NUP153: variants seen among roughly 807,000 people sequenced by gnomAD.
NUP153 encodes nuclear pore complex protein Nup153.
In NUP153, 27 loss-of-function variants were observed where a neutral mutation model predicts 134.6. That is an observed-to-expected ratio of 0.20 (90% CI 0.15 to 0.28). The LOEUF is 0.28. NUP153 is among the 10% of genes least tolerant of loss of function. NUP153 has a pLI of 1.00. For synonymous variants in NUP153, 640 were observed against 623.5 expected, an observed-to-expected ratio of 1.03 and a Z score of -0.40; for missense variants, 1,821 against 1,731.3, an observed-to-expected ratio of 1.05 and a Z score of -0.92.
intron 1 of NUP153, among the ~76,000 whole-genome samples, chr6:17,701,980 C>T (rs978168777): frequency 7.9e-5 from 12 of 151,928 alleles, no homozygotes; most frequent in African/African-American, 1.9e-4. Context: ...ACCCCCATCC[C>T]GGGACAAAAA....
intron 17 of NUP153, among the ~76,000 whole-genome samples, chr6:17,631,096 G>A (rs1467329793): frequency 1.3e-5 from 2 of 152,126 alleles, no homozygotes; most frequent in East Asian, 3.8e-4. Context: ...TTTTCAAACT[G>A]CTAGTTGTAT....
At chr6:17,690,875 C>A (rs1769230889) in intron 1 of NUP153, among the ~76,000 whole-genome samples, 1 of 152,134 alleles carries the variant, frequency 6.6e-6, no homozygotes, top group African/African-American at 2.4e-5. Context: ...CGTGGTGGCT[C>A]ACGCCTGTAA....
intron 17 of NUP153, 151 bp from the exon 18 acceptor site, chr6:17,629,690 G>C: frequency 1.6e-6 from 1 of 626,364 alleles, no homozygotes; most frequent in Non-Finnish European, 2.6e-6. Context: ...CATAATCCAA[G>C]GTGACCTATA....
At chr6:17,658,982 A>C (rs547805276) in intron 11 of NUP153, among the ~76,000 whole-genome samples, 1 of 152,274 alleles carries the variant, frequency 6.6e-6, no homozygotes, top group Non-Finnish European at 1.5e-5. Flanking sequence ...TCTGCTCAGC[A>C]AATCAATGAG....
chr6:17,646,164 G>A lies in NUP153; in HGVS notation c.1633-10C>T, dbSNP rs759791413. 3.4e-6 allele frequency: 5 copies of A among 1,453,644 alleles called. No individual in the cohort carries two copies. Among genetic ancestry groups the A allele is most frequent in the Non-Finnish European group, 4.8e-6 (5 of 1,037,406 alleles). 90.0% of individuals were successfully genotyped at this position (1,453,644 alleles called of 1,614,324 possible). A position where few individuals can be genotyped will look rare whatever the true frequency, so the allele number is the denominator to read the frequency against. ...TAAATGTAAATCCAATCTGTAAAGA[G>A]AAAGAATATCCTTATACTTCGTTTT... On this transcript the variant is annotated splice_polypyrimidine_tract_variant and intron_variant, in intron 13 of 21. Coordinates refer to ENST00000262077, the MANE Select transcript of NUP153 (RefSeq NM_005124.4).
rs1195034818 is a variant in NUP153, at chr6:17,680,630, A to G, written c.335-4860T>C. The stretch of plus-strand genomic sequence containing the variant: ...ATGTAAAAACTTTTATGCATCAAAG[A>G]ATGTAATCAACAGAGTAAAAGGTCA... On this transcript the variant is annotated intron_variant, in intron 2 of 21. Coordinates refer to ENST00000262077, the MANE Select transcript of NUP153 (RefSeq NM_005124.4). This position sits in a 1 kb window ranked among gnomAD's most constrained non-coding sequence, Gnocchi z 4.5. 6.6e-6 allele frequency among the ~76,000 whole-genome samples: 1 copy of G among 152,244 alleles called. No homozygotes were observed. Among genetic ancestry groups the G allele is most frequent in the Non-Finnish European group, 1.5e-5 (1 of 68,048 alleles).
chr6:17,663,167 G>T (rs1231598340), intron 9 of NUP153, among the ~76,000 whole-genome samples: 1 of 151,682 alleles, frequency 6.6e-6, no homozygotes, highest in Non-Finnish European at 1.5e-5. Context: ...GTAGTAAAAT[G>T]TGAAGTTCAT....
chr6:17,687,546 C>CTT lies in NUP153; in HGVS notation c.334+849_334+850insAA, dbSNP rs1769006656. Among the ~76,000 whole-genome samples, 4 of 152,244 alleles carry CTT rather than the reference C, an allele frequency of 2.6e-5. No homozygotes were observed. The South Asian group carries it at 8.3e-4, about 32-fold the overall frequency. The stretch of plus-strand genomic sequence containing the variant: ...CATTACTAAGAAAAATTAGGTTTGC[C>CTT]ATTTCTCTAAAATAAAAACCATTCT... On this transcript the variant is annotated intron_variant, in intron 2 of 21. Coordinates refer to ENST00000262077, the MANE Select transcript of NUP153 (RefSeq NM_005124.4).
chr6:17,705,413 G>A (rs1003607065), intron 1 of NUP153, among the ~76,000 whole-genome samples: 1 of 152,074 alleles, frequency 6.6e-6, no homozygotes, highest in Non-Finnish European at 1.5e-5. Flanking sequence ...AGTTCATACA[G>A]TGGCTAAACT....
rs1354219289 is a variant in NUP153, at chr6:17,639,960, G to A, written c.1825C>T (p.Leu609=). Residue 609 remains leucine (L), a synonymous_variant, in exon 15 of 22, where the codon CTA becomes TTA. Coordinates refer to ENST00000262077, the MANE Select transcript of NUP153 (RefSeq NM_005124.4). ...TTACCAGGGCTTTTCAGAATATCTA[G>A]AACACTTCCTTCTTTCAGGATTTCT... ...PAEILKEGSV[L]DILKSPGFAS... The A allele has an allele frequency of 6.2e-7, 1 of 1,610,576 alleles. No individual in the cohort carries two copies.
intron 11 of NUP153, among the ~76,000 whole-genome samples, chr6:17,652,246 ATTTT>A (rs201242237): frequency 1.3e-5 from 2 of 150,890 alleles, no homozygotes; most frequent in Non-Finnish European, 2.9e-5. Flanking sequence ...TACAGAATAT[ATTTT>A]CTTTAAGAAT....
chr6:17,672,308 T>C (rs1767964384), intron 5 of NUP153, among the ~76,000 whole-genome samples: 1 of 152,140 alleles, frequency 6.6e-6, no homozygotes, highest in Admixed American at 6.6e-5. Flanking sequence ...CCAGGCCTGG[T>C]GGTTCATGCT....
In NUP153 at chr6:17,661,634, T is replaced by C. The variant is rs781749816; in HGVS notation, c.1395+19A>G. On this transcript the variant is annotated intron_variant, in intron 11 of 21. Coordinates refer to ENST00000262077, the MANE Select transcript of NUP153 (RefSeq NM_005124.4). ...GCTTTTTAAATAAACCTCAAGAGTA[T>C]ATGAGTATACAACCCTACCTCCTCC... 6.2e-7 allele frequency: 1 copy of C among 1,609,942 alleles called. No individual in the cohort carries two copies. Among genetic ancestry groups the C allele is most frequent in the South Asian group, 1.1e-5 (1 of 90,492 alleles).
chr6:17,678,184 C>T (rs1006913068), intron 2 of NUP153, among the ~76,000 whole-genome samples: 1 of 151,734 alleles, frequency 6.6e-6, no homozygotes, highest in Non-Finnish European at 1.5e-5. Context: ...GGCAAAATCC[C>T]ATCCCTACTA....
At chr6:17,668,516 T>G (rs1767687895) in intron 8 of NUP153, among the ~76,000 whole-genome samples, 1 of 152,158 alleles carries the variant, frequency 6.6e-6, no homozygotes, top group South Asian at 2.1e-4. Context: ...TCCTGAGGAC[T>G]GCAGAAGAGA....
intron 8 of NUP153, among the ~76,000 whole-genome samples, chr6:17,667,549 C>CTAAAAAA (rs1218779046): frequency 6.6e-6 from 1 of 152,030 alleles, no homozygotes; most frequent in East Asian, 1.9e-4. Context: ...CCCATCTCTA[C>CTAAAAAA]TAAAAATACA....
chr6:17,616,975 C>T (rs1389607061), intron 20 of NUP153, among the ~76,000 whole-genome samples: 1 of 152,206 alleles, frequency 6.6e-6, no homozygotes, highest in Non-Finnish European at 1.5e-5. Flanking sequence ...TGGTCTCGAT[C>T]TCCTGACCTT....
intron 2 of NUP153, among the ~76,000 whole-genome samples, chr6:17,681,984 G>A (rs1227973700): frequency 1.3e-5 from 2 of 151,992 alleles, no homozygotes; most frequent in South Asian, 4.1e-4. Flanking sequence ...GAGGCAGGAG[G>A]ATCACTTAAG....
chr6:17,652,106 G>T (rs1267209638), intron 11 of NUP153, among the ~76,000 whole-genome samples: 2 of 151,978 alleles, frequency 1.3e-5, no homozygotes, highest in East Asian at 3.9e-4. Flanking sequence ...CCAAATAAAA[G>T]TTGGCAATTT....
Sources: gnomAD v4.1 joint callset for allele counts (sites outside exome capture counted in the v4.1 genomes callset) on GRCh38, gnomAD v4.1.1 for gene constraint, Gnocchi (gnomAD v3.1) non-coding constraint, MANE v1.5 for transcripts, NCBI Gene and HGNC (gene_info 2026-07-23, HGNC 2026-07-21) for gene names.